Variants in PDE4D observed in about 807,000 individuals in gnomAD.
PDE4D encodes phosphodiesterase 4D, also known as 3',5'-cyclic-AMP phosphodiesterase 4D.
PDE4D carries 24 observed loss-of-function variants against 87.4 expected under a neutral mutation model. That is an observed-to-expected ratio of 0.27 (90% confidence interval 0.20 to 0.39). PDE4D has a LOEUF of 0.39. Among genes scored for constraint, PDE4D ranks in the 10% least tolerant of loss-of-function variants. The probability of loss-of-function intolerance (pLI) is 1.00; values close to 1 mark genes in which losing one functional copy is unlikely to be tolerated. For synonymous variants in PDE4D, 384 were observed against 383.2 expected (o/e 1.00, Z -0.02); for missense variants, 714 against 1,041.0 (o/e 0.69, Z 4.32).
chr5:60,036,287 A>T (rs1483535582), intron 2 of PDE4D, among the ~76,000 whole-genome samples: 3 of 152,258 alleles, frequency 2.0e-5, no homozygotes, highest in Non-Finnish European at 4.4e-5. Context: ...ACACTTGTAC[A>T]GCTACACAGC....
At chr5:59,809,204 T>C (rs1768068624) in intron 1 of PDE4D, among the ~76,000 whole-genome samples, 1 of 152,308 alleles carries the variant, frequency 6.6e-6, no homozygotes, top group African/African-American at 2.4e-5. Context: ...GATGCTTCTA[T>C]CCATTAAATA....
intron 1 of PDE4D, among the ~76,000 whole-genome samples, chr5:59,878,651 TTTAAAAA>T (rs906016116): frequency 3.9e-5 from 6 of 152,038 alleles, no homozygotes; most frequent in African/African-American, 1.4e-4. Context: ...ATACATGTAA[TTTAAAAA>T]TTATTTTATC....
At chr5:59,846,667 A>G (rs756801882) in intron 1 of PDE4D, among the ~76,000 whole-genome samples, 12 of 151,972 alleles carry the variant, frequency 7.9e-5, no homozygotes, top group Non-Finnish European at 1.5e-4. Flanking sequence ...AACATCTTCA[A>G]TGTGCATGGG....
At chr5:60,348,981 A>C (rs2149918903) in intron 1 of PDE4D, among the ~76,000 whole-genome samples, 1 of 152,292 alleles carries the variant, frequency 6.6e-6, no homozygotes, top group Middle Eastern at 3.4e-3. Flanking sequence ...CAATATCTTC[A>C]AGGAATCACT....
intron 1 of PDE4D, among the ~76,000 whole-genome samples, chr5:59,563,338 G>C (rs913915268): frequency 1.1e-4 from 17 of 152,194 alleles, no homozygotes; most frequent in Admixed American, 8.5e-4. Flanking sequence ...CTCATTGATA[G>C]AAAGAGAGAA....
At chr5:59,755,697 C>G (rs1761118171) in intron 1 of PDE4D, among the ~76,000 whole-genome samples, 1 of 152,014 alleles carries the variant, frequency 6.6e-6, no homozygotes, top group South Asian at 2.1e-4. Context: ...AAAAATCACA[C>G]TGCACAAAAT....
intron 1 of PDE4D, among the ~76,000 whole-genome samples, chr5:59,668,824 AGAAGAAGAG>A (rs1561440935): frequency 2.9e-4 from 28 of 96,712 alleles, no homozygotes; most frequent in Middle Eastern, 4.1e-3. Flanking sequence ...AAGAAGAAGA[AGAAGAAGAG>A]GAAGAGGAAG....
intron 1 of PDE4D, among the ~76,000 whole-genome samples, chr5:59,698,192 A>G (rs571202564): frequency 6.6e-6 from 1 of 152,266 alleles, no homozygotes; most frequent in African/African-American, 2.4e-5. Flanking sequence ...GAGCCACAGG[A>G]TATTAAGCAG....
intron 1 of PDE4D, among the ~76,000 whole-genome samples, chr5:59,665,750 G>T (rs1272789969): frequency 6.6e-6 from 1 of 152,126 alleles, no homozygotes; most frequent in Non-Finnish European, 1.5e-5. Context: ...CTCCAGCCTT[G>T]TGAACAGGAT....
At chr5:59,644,448 G>A (rs1244734783) in intron 1 of PDE4D, among the ~76,000 whole-genome samples, 2 of 152,156 alleles carry the variant, frequency 1.3e-5, no homozygotes, top group East Asian at 1.9e-4. Flanking sequence ...AACAACAGGA[G>A]CAAATCTGGT....
At chr5:59,666,938 T>C (rs1201983308) in intron 1 of PDE4D, among the ~76,000 whole-genome samples, 5 of 152,170 alleles carry the variant, frequency 3.3e-5, no homozygotes, top group African/African-American at 9.7e-5. Flanking sequence ...CTCTTTCTGA[T>C]TACAGGCACT....
At chr5:59,761,347 G>A (rs559392378) in intron 1 of PDE4D, among the ~76,000 whole-genome samples, 10 of 152,082 alleles carry the variant, frequency 6.6e-5, no homozygotes, top group African/African-American at 2.2e-4. Context: ...GTACACTTAG[G>A]CTACACTTAA....
At chr5:59,959,685 C>T (rs1043462190) in intron 3 of PDE4D, among the ~76,000 whole-genome samples, 1 of 151,464 alleles carries the variant, frequency 6.6e-6, no homozygotes, top group Non-Finnish European at 1.5e-5. Flanking sequence ...TGGACCCCTA[C>T]CTCTTAACTC....
chr5:60,041,742 T>C (rs1476464024), intron 2 of PDE4D, among the ~76,000 whole-genome samples: 1 of 152,196 alleles, frequency 6.6e-6, no homozygotes, highest in African/African-American at 2.4e-5. Context: ...CATGAGGGAC[T>C]GTGCTGTGAG....
intron 1 of PDE4D, among the ~76,000 whole-genome samples, chr5:59,515,804 C>T (rs1409726618): frequency 1.3e-5 from 2 of 152,008 alleles, no homozygotes; most frequent in Non-Finnish European, 2.9e-5. Flanking sequence ...GAGGGATACG[C>T]CACAATTATA....
rs750117596 is a variant in PDE4D at position 60,238,689 on chromosome 5, C to T, written c.-89-53002G>A. 9.4e-4 allele frequency among the ~76,000 whole-genome samples: 142 copies of T among 151,562 alleles called. 2 individuals are homozygous for T. Among genetic ancestry groups the T allele is most frequent in the Non-Finnish European group, 1.3e-3 (88 of 67,872 alleles). Reference sequence around the variant, plus strand: ...TGTTCATATCTTTCACCTATTTTTCCATTGGATTGAATTTTTAAATATTTA... The same window carrying T: ...TGTTCATATCTTTCACCTATTTTTCTATTGGATTGAATTTTTAAATATTTA... On this transcript the variant is annotated intron_variant, in intron 1 of 16. Transcript: ENST00000502484.
At chr5:60,045,394 T>C (rs998714023) in intron 2 of PDE4D, among the ~76,000 whole-genome samples, 4 of 152,234 alleles carry the variant, frequency 2.6e-5, no homozygotes, top group African/African-American at 7.2e-5. Context: ...ATTTTGGCTT[T>C]GGTTGCCATG....
At chr5:59,037,880 G>C (rs1028693040) in intron 6 of PDE4D, among the ~76,000 whole-genome samples, 1 of 150,980 alleles carries the variant, frequency 6.6e-6, no homozygotes, top group African/African-American at 2.4e-5. Flanking sequence ...GCACATAGAT[G>C]AACTGTAAGA....
In PDE4D at chr5:60,197,077, TTAGATAGATAGATAGA is replaced by T. The variant is rs70975372; in HGVS notation, c.-89-11406_-89-11391del. Among the ~76,000 whole-genome samples, 453 of 117,444 alleles carry T rather than the reference TTAGATAGATAGATAGA, an allele frequency of 3.9e-3. 5 individuals carry two copies. Among genetic ancestry groups the T allele is most frequent in the African/African-American group, 0.013 (424 of 32,180 alleles). 77.0% of individuals were successfully genotyped at this position (117,444 alleles called of 152,430 possible). ...GATAGATAGATAGATAGATAGACAG[TTAGATAGATAGATAGA>T]TAGATAGATAGATAGATAGATAGAT... On this transcript the variant is annotated intron_variant, in intron 1 of 16. Transcript: ENST00000502484.
Sources: allele counts gnomAD v4.1 joint callset (sites outside exome capture counted in the v4.1 genomes callset), GRCh38; gene constraint gnomAD v4.1.1; transcripts MANE v1.5; gene names NCBI Gene and HGNC (gene_info 2026-07-23, HGNC 2026-07-21).